Variants in U2SURP observed in about 807,000 individuals in gnomAD.
U2SURP encodes the protein U2 snRNP associated SURP domain containing, also known as U2 snRNP-associated SURP motif-containing protein.
Under a neutral mutation model 144.9 loss-of-function variants are expected in U2SURP, and 9 were observed. The observed-to-expected ratio is 0.06, with a 90% CI of 0.04 to 0.11. The LOEUF (loss-of-function observed/expected upper bound fraction) is 0.11. U2SURP is among the 10% of genes least tolerant of loss of function. The probability of loss-of-function intolerance (pLI) is 1.00; values close to 1 mark genes in which losing one functional copy is unlikely to be tolerated. For synonymous variants in U2SURP, 408 were observed against 396.8 expected (o/e 1.03, Z -0.33); for missense variants, 724 against 1,226.7 (o/e 0.59, Z 6.12).
chr3:143,042,541 C>G (rs964184668), intron 23 of U2SURP, among the ~76,000 whole-genome samples: 3 of 151,920 alleles, frequency 2.0e-5, no homozygotes, highest in African/African-American at 7.3e-5. Context: ...GATTTTGGTG[C>G]ACCTGTCACC....
Position 143,019,050 on chromosome 3 carries a change from TTTTC to T in U2SURP, c.571-918_571-915del, listed in dbSNP as rs1178030676. 3.3e-5 allele frequency among the ~76,000 whole-genome samples: 5 copies of T among 152,226 alleles called. No homozygotes were observed. The East Asian group carries it at 7.7e-4, about 23-fold the overall frequency. ...CATGTACTTGATTATATTGAGCATC[TTTTC>T]ATGTGTTTATTGTCCATTTATAAGT... On this transcript the variant is annotated intron_variant, in intron 6 of 27. Transcript: ENST00000473835.
chr3:143,021,597 C>A, intron 10 of U2SURP, 42 bp downstream of exon 10: 1 of 1,547,934 alleles, frequency 6.5e-7, no homozygotes, highest in Non-Finnish European at 8.8e-7. Context: ...ATGCTTTATG[C>A]TTTTGGAAGA....
intron 3 of U2SURP, among the ~76,000 whole-genome samples, chr3:143,014,037 G>A (rs1936240387): frequency 6.8e-6 from 1 of 147,890 alleles, no homozygotes; most frequent in Non-Finnish European, 1.5e-5. Context: ...AAGCATTAGT[G>A]TCAGTCTCTT....
chr3:143,009,019 C>T (rs146703123), intron 1 of U2SURP, among the ~76,000 whole-genome samples: 7 of 152,252 alleles, frequency 4.6e-5, no homozygotes, highest in East Asian at 3.9e-4. Flanking sequence ...GGATTACAGG[C>T]GTGAGCCACT....
At chr3:143,022,083 T>C (rs1936664418) in intron 10 of U2SURP, among the ~76,000 whole-genome samples, 1 of 152,246 alleles carries the variant, frequency 6.6e-6, no homozygotes, top group South Asian at 2.1e-4. Context: ...AACAGATGAT[T>C]AGATACTTTT....
intron 13 of U2SURP, 129 bp downstream of exon 13, chr3:143,024,147 G>T: frequency 3.8e-6 from 3 of 790,300 alleles, no homozygotes; most frequent in Non-Finnish European, 6.2e-6. Flanking sequence ...TACTTTTTGC[G>T]GGGGGATGTG....
In U2SURP at chr3:143,058,628, C is replaced by T. The variant is rs1040094242; in HGVS notation, c.*2178C>T. On this transcript the variant is annotated 3_prime_UTR_variant, in exon 28 of 28. Coordinates refer to ENST00000473835, the MANE Select transcript of U2SURP (RefSeq NM_001080415.2). ...AGATAGGTTATTTCCAGTTTTACTT[C>T]ATGACAAATTACCTAGAGTAAACCT... 1 of 151,714 alleles carries T rather than the reference C, an allele frequency of 6.6e-6. No individual in the cohort carries two copies. Among genetic ancestry groups the T allele is most frequent in the South Asian group, 2.1e-4 (1 of 4,832 alleles). 9.4% of individuals were successfully genotyped at this position (151,714 alleles called of 1,614,324 possible). A position where few individuals can be genotyped will look rare whatever the true frequency, so the allele number is the denominator to read the frequency against.
intron 12 of U2SURP, chr3:143,023,351 C>G: frequency 3.8e-6 from 1 of 263,360 alleles, no homozygotes; most frequent in South Asian, 8.2e-5. Flanking sequence ...ACTAAATTTA[C>G]TTTGTTCTGA....
chr3:143,037,448 A>G (rs1341459128), intron 21 of U2SURP, 113 bp downstream of exon 21: 3 of 984,828 alleles, frequency 3.0e-6, no homozygotes, highest in East Asian at 5.3e-5. Context: ...GAACGTATCA[A>G]GTTATTAACT....
At chr3:143,032,991 T>C (rs1395045408) in intron 17 of U2SURP, 45 bp downstream of exon 17, 2 of 1,585,234 alleles carry the variant, frequency 1.3e-6, no homozygotes, top group African/African-American at 1.4e-5. Flanking sequence ...TTGACGTCTT[T>C]TGGGATTAGA....
In U2SURP at chr3:143,058,668, T is replaced by G. The variant is rs1340353084; in HGVS notation, c.*2218T>G. On this transcript the variant is annotated 3_prime_UTR_variant, in exon 28 of 28. Transcript: ENST00000473835. ...AGAGTAAACCTACTTAATACTCCCA[T>G]GGATTCTATGAAAGTTTAATGGGAT... 5 of 151,880 alleles carry G rather than the reference T, an allele frequency of 3.3e-5. No individual in the cohort carries two copies. Among genetic ancestry groups the G allele is most frequent in the Non-Finnish European group, 5.9e-5 (4 of 67,788 alleles). The allele number at this position is 151,880 out of a possible 1,614,324, so 9.4% of individuals were successfully genotyped here. A position where few individuals can be genotyped will look rare whatever the true frequency, so the allele number is the denominator to read the frequency against.
At chr3:143,010,381 A>G (rs1299159211) in intron 1 of U2SURP, among the ~76,000 whole-genome samples, 1 of 152,214 alleles carries the variant, frequency 6.6e-6, no homozygotes, top group African/African-American at 2.4e-5. Flanking sequence ...GCAAGGATTT[A>G]TATGTGGATT....
Position 143,016,945 on chromosome 3 carries a change from A to G in U2SURP, c.540A>G (p.Pro180=), listed in dbSNP as rs750624085. ...PPNQSSNERP[P]SLLVIETKKP... Reference sequence around the variant, plus strand: ...ATCAGTCTTCCAATGAAAGACCACCATCTCTTCTTGTGATAGAAACCAAAA... The same window carrying G: ...ATCAGTCTTCCAATGAAAGACCACCGTCTCTTCTTGTGATAGAAACCAAAA... Residue 180 remains proline, a synonymous_variant, in exon 6 of 28, where the codon CCA becomes CCG. Transcript: ENST00000473835. The G allele has an allele frequency of 6.3e-7, 1 of 1,590,056 alleles. No individual in the cohort carries two copies. The highest frequency in any genetic ancestry group is 8.5e-7 in the Non-Finnish European group (1 of 1,172,276).
chr3:143,017,734 C>A (rs954038955), intron 6 of U2SURP, among the ~76,000 whole-genome samples: 1 of 152,024 alleles, frequency 6.6e-6, no homozygotes. Flanking sequence ...GTCCTCCCAC[C>A]TCAGCCTCAT....
At chr3:143,022,074 A>C (rs907530835) in intron 10 of U2SURP, among the ~76,000 whole-genome samples, 3 of 152,212 alleles carry the variant, frequency 2.0e-5, no homozygotes, top group Non-Finnish European at 2.9e-5. Flanking sequence ...GATTGTTAGA[A>C]CAGATGATTA....
intron 23 of U2SURP, among the ~76,000 whole-genome samples, chr3:143,039,715 A>G (rs902988391): frequency 2.0e-5 from 3 of 151,752 alleles, no homozygotes; most frequent in African/African-American, 7.2e-5. Context: ...AAGTGGGAAC[A>G]AAGAGAAAAC....
At chr3:143,008,890 A>G (rs1317195162) in intron 1 of U2SURP, among the ~76,000 whole-genome samples, 1 of 152,146 alleles carries the variant, frequency 6.6e-6, no homozygotes, top group Non-Finnish European at 1.5e-5. Flanking sequence ...CTCAGCGAGT[A>G]GCTGGGACTA....
At chr3:143,022,706 T>C in intron 11 of U2SURP, 44 bp downstream of exon 11, 1 of 1,553,608 alleles carries the variant, frequency 6.4e-7, no homozygotes, top group African/African-American at 1.4e-5. Context: ...CAGATATTTC[T>C]TTGGTTTGGA....
chr3:143,027,507 C>T (rs188378279), intron 14 of U2SURP, among the ~76,000 whole-genome samples: 225 of 152,266 alleles, frequency 1.5e-3, no homozygotes, highest in Non-Finnish European at 2.7e-3. Context: ...TTTCATTACT[C>T]AGGGTAAACT....
Sources: gnomAD v4.1 joint callset for allele counts (sites outside exome capture counted in the v4.1 genomes callset) on GRCh38, gnomAD v4.1.1 for gene constraint, MANE v1.5 for transcripts, NCBI Gene and HGNC (gene_info 2026-07-23, HGNC 2026-07-21) for gene names.